SPTLC2: variants seen among roughly 807,000 people sequenced by gnomAD.
The protein encoded by SPTLC2 is serine palmitoyltransferase long chain base subunit 2.
Under a neutral mutation model 62.0 loss-of-function variants are expected in SPTLC2, and 21 were observed. The observed-to-expected ratio is 0.34, with a 90% CI of 0.24 to 0.49. The LOEUF (loss-of-function observed/expected upper bound fraction) is 0.49, where lower values mean the gene tolerates loss of function less well. Among genes scored for constraint, SPTLC2 ranks in the 20% least tolerant of loss-of-function variants. SPTLC2 has a pLI of 0.99. For synonymous variants in SPTLC2, 261 were observed against 261.8 expected (o/e 1.00, Z 0.03); for missense variants, 511 against 713.0 (o/e 0.72, Z 3.23).
intron 1 of SPTLC2, among the ~76,000 whole-genome samples, chr14:77,601,293 C>T (rs1038776253): frequency 3.3e-5 from 5 of 152,116 alleles, no homozygotes; most frequent in African/African-American, 4.8e-5. Context: ...TTCTGCCCCA[C>T]CCTAACCGAT....
chr14:77,609,400 T>A (rs544847572), intron 1 of SPTLC2, among the ~76,000 whole-genome samples: 2 of 152,296 alleles, frequency 1.3e-5, no homozygotes, highest in Admixed American at 1.3e-4. Flanking sequence ...TATCTACTCA[T>A]CAGTTGATAG....
At chr14:77,574,142 G>A (rs1452787629) in intron 4 of SPTLC2, among the ~76,000 whole-genome samples, 1 of 152,132 alleles carries the variant, frequency 6.6e-6, no homozygotes, top group East Asian at 1.9e-4. Flanking sequence ...AAGTCACTCT[G>A]TTCTGATATT....
intron 9 of SPTLC2, among the ~76,000 whole-genome samples, chr14:77,531,286 T>TGCCAC (rs2079437123): frequency 6.6e-6 from 1 of 152,150 alleles, no homozygotes; most frequent in African/African-American, 2.4e-5. Context: ...ATGCCAACAG[T>TGCCAC]GCCACAGCAA....
At chr14:77,547,161 G>A (rs1011993262) in intron 9 of SPTLC2, among the ~76,000 whole-genome samples, 26 of 139,414 alleles carry the variant, frequency 1.9e-4, no homozygotes, top group South Asian at 9.8e-4. Flanking sequence ...CATCGCACCC[G>A]GCGGAAACAA....
Position 77,521,499 on chromosome 14 carries a change from T to C in SPTLC2, c.1386A>G (p.Gly462=), listed in dbSNP as rs1399958628. 6.2e-7 allele frequency: 1 copy of C among 1,614,134 alleles called. No homozygotes were observed. Among genetic ancestry groups the C allele is most frequent in the Non-Finnish European group, 8.5e-7 (1 of 1,179,988 alleles). Residue 462 remains glycine, a synonymous_variant, in exon 10 of 12, where the codon GGA becomes GGG. Coordinates refer to ENST00000216484, the MANE Select transcript of SPTLC2 (RefSeq NM_004863.4). ...AAGGCACTACTGGAGAGTCTTCATT[T>C]CCATAGATGATGAAGCCCATCTCTT... ...RLKEMGFIIY[G]NEDSPVVPLM...
chr14:77,558,625 T>C (rs1190438978), intron 6 of SPTLC2, among the ~76,000 whole-genome samples: 1 of 103,224 alleles, frequency 9.7e-6, no homozygotes, highest in African/African-American at 3.0e-5. Flanking sequence ...CCAGTTTTTT[T>C]GTTTTTTTTT....
At chr14:77,602,401 C>A (rs2140060319) in intron 1 of SPTLC2, among the ~76,000 whole-genome samples, 1 of 152,308 alleles carries the variant, frequency 6.6e-6, no homozygotes, top group South Asian at 2.1e-4. Context: ...ACCATCCAGT[C>A]TACCCAGTCT....
chr14:77,614,500 T>C (rs1188335273), intron 1 of SPTLC2, among the ~76,000 whole-genome samples: 1 of 151,602 alleles, frequency 6.6e-6, no homozygotes, highest in Non-Finnish European at 1.5e-5. Context: ...CCGTATCTAC[T>C]AAAAATACAA....
chr14:77,527,442 T>TA (rs1221966513), intron 9 of SPTLC2, among the ~76,000 whole-genome samples: 1 of 152,160 alleles, frequency 6.6e-6, no homozygotes, highest in Non-Finnish European at 1.5e-5. Flanking sequence ...TACCTACTGA[T>TA]AACCACTAGA....
intron 2 of SPTLC2, among the ~76,000 whole-genome samples, chr14:77,589,330 A>T (rs1464959681): frequency 6.6e-6 from 1 of 152,104 alleles, no homozygotes; most frequent in Non-Finnish European, 1.5e-5. Context: ...ATTTCAAGAT[A>T]AAAAAACACT....
At chr14:77,580,010 C>G (rs1013901573) in intron 2 of SPTLC2, among the ~76,000 whole-genome samples, 1 of 152,150 alleles carries the variant, frequency 6.6e-6, no homozygotes, top group African/African-American at 2.4e-5. Context: ...TCCCTCCCCA[C>G]AAGCCTCCTC....
At chr14:77,603,287 G>A (rs529753132) in intron 1 of SPTLC2, among the ~76,000 whole-genome samples, 166 of 152,300 alleles carry the variant, frequency 1.1e-3, no homozygotes, top group Non-Finnish European at 1.7e-3. Context: ...AATGTCTAAT[G>A]TGAACCACCC....
chr14:77,544,473 T>C (rs148594724), intron 9 of SPTLC2, among the ~76,000 whole-genome samples: 1 of 152,296 alleles, frequency 6.6e-6, no homozygotes, highest in African/African-American at 2.4e-5. Flanking sequence ...AATAACACCA[T>C]GCCATGGCAG....
chr14:77,528,483 G>A (rs545454208), intron 9 of SPTLC2, among the ~76,000 whole-genome samples: 63 of 152,062 alleles, frequency 4.1e-4, no homozygotes, highest in Middle Eastern at 3.4e-3. Flanking sequence ...TGCCCGCCTC[G>A]GCCTCCCAAA....
intron 2 of SPTLC2, among the ~76,000 whole-genome samples, chr14:77,585,923 T>G (rs1190613419): frequency 6.6e-6 from 1 of 152,162 alleles, no homozygotes; most frequent in Non-Finnish European, 1.5e-5. Flanking sequence ...AGCATAGCCC[T>G]AAACGTAAAA....
intron 5 of SPTLC2, among the ~76,000 whole-genome samples, chr14:77,565,770 C>T (rs545371324): frequency 3.9e-5 from 6 of 152,300 alleles, no homozygotes; most frequent in African/African-American, 9.6e-5. Flanking sequence ...AAACCAAATA[C>T]GTCCTGTACT....
At chr14:77,576,543 A>C (rs2079716836) in intron 4 of SPTLC2, among the ~76,000 whole-genome samples, 1 of 152,220 alleles carries the variant, frequency 6.6e-6, no homozygotes, top group African/African-American at 2.4e-5. Flanking sequence ...TTTTCGAGGG[A>C]CATTCTATAT....
Position 77,555,536 on chromosome 14 carries a change from A to G in SPTLC2, c.957-17T>C. 1 of 1,610,656 alleles carries G rather than the reference A, an allele frequency of 6.2e-7. No homozygotes were observed. The highest frequency in any genetic ancestry group is 8.5e-7 in the Non-Finnish European group (1 of 1,177,156). On this transcript the variant is annotated splice_polypyrimidine_tract_variant and intron_variant, in intron 7 of 11. Transcript: ENST00000216484. ...CCCTCCATGCTGGCAAAACATGAAAAAATATATATATACACATATACACTG... is the reference window on the plus strand; with the variant it reads ...CCCTCCATGCTGGCAAAACATGAAAGAATATATATATACACATATACACTG...
At position 77,545,706 on chromosome 14, in the gene SPTLC2, G is replaced by GA. The variant is rs34614143; in HGVS notation, c.1303+6389_1303+6390insT. On this transcript the variant is annotated intron_variant, in intron 9 of 11. Transcript: ENST00000216484. ...AAATAAAGCCCTCAGACATAATTCTGGGGGGAGAAAAGCAATTCCAATTAT... is the reference window on the plus strand; with the variant it reads ...AAATAAAGCCCTCAGACATAATTCTGAGGGGGAGAAAAGCAATTCCAATTAT... Among the ~76,000 whole-genome samples the GA allele has an allele frequency of 1.6e-3, 146 of 93,952 alleles. No individual in the cohort carries two copies. In the Middle Eastern group the frequency reaches 0.025, roughly 16 times the overall value. 61.6% of individuals were successfully genotyped at this position (93,952 alleles called of 152,430 possible).
Sources: gnomAD v4.1 joint callset for allele counts (sites outside exome capture counted in the v4.1 genomes callset) on GRCh38, gnomAD v4.1.1 for gene constraint, MANE v1.5 for transcripts, NCBI Gene and HGNC (gene_info 2026-07-23, HGNC 2026-07-21) for gene names.